Variants in IL1RAPL1 observed in about 807,000 individuals in gnomAD.
IL1RAPL1 encodes interleukin 1 receptor accessory protein like 1.
A neutral mutation model predicts 48.4 loss-of-function variants in IL1RAPL1; 3 were observed. The ratio of observed to expected loss-of-function variants is 0.06; its 90% confidence interval spans 0.03 to 0.16. The LOEUF (loss-of-function observed/expected upper bound fraction) is 0.16, where lower values mean the gene tolerates loss of function less well. Among genes scored for constraint, IL1RAPL1 ranks in the 10% least tolerant of loss-of-function variants. The pLI, the probability that IL1RAPL1 is intolerant of heterozygous loss-of-function variation, is 1.00. For missense variants in IL1RAPL1, 349 were observed against 530.6 expected (o/e 0.66, Z 3.36); for synonymous variants, 185 against 187.7 (o/e 0.99, Z 0.12).
intron 9 of IL1RAPL1, among the ~76,000 whole-genome samples, chrX:29,953,463 C>A (rs940938840): frequency 1.4e-4 from 16 of 111,504 alleles, no homozygotes; most frequent in African/African-American, 5.2e-4. Flanking sequence ...TAGTAGTCCT[C>A]AAATATTTAA....
intron 2 of IL1RAPL1, among the ~76,000 whole-genome samples, chrX:28,794,190 A>G (rs1936585302): frequency 9.0e-6 from 1 of 111,623 alleles, no homozygotes; most frequent in Admixed American, 9.5e-5. Context: ...AGGACATAAT[A>G]AGGGTTTAGA....
chrX:29,697,245 A>G (rs180905342), intron 6 of IL1RAPL1, among the ~76,000 whole-genome samples: 2 of 111,772 alleles, frequency 1.8e-5, no homozygotes, highest in African/African-American at 6.5e-5. Context: ...TTCTGAGCAG[A>G]CCCACCAGCT....
intron 2 of IL1RAPL1, among the ~76,000 whole-genome samples, chrX:28,993,511 G>C (rs1413979559): frequency 8.9e-6 from 1 of 111,946 alleles, no homozygotes; most frequent in East Asian, 2.8e-4. Flanking sequence ...TTGTGAGAAA[G>C]AGTTAACAGA....
At chrX:29,091,967 CA>C (rs1421493213) in intron 2 of IL1RAPL1, among the ~76,000 whole-genome samples, 1 of 111,489 alleles carries the variant, frequency 9.0e-6, no homozygotes, top group Non-Finnish European at 1.9e-5. Flanking sequence ...AATAGGTTCC[CA>C]AAATTCTTCC....
At chrX:28,821,569 T>A (rs1244279640) in intron 2 of IL1RAPL1, among the ~76,000 whole-genome samples, 1 of 111,504 alleles carries the variant, frequency 9.0e-6, no homozygotes, top group Non-Finnish European at 1.9e-5. Context: ...GTGATGTGGG[T>A]TATTTGGACT....
At chrX:29,420,731 A>G in intron 5 of IL1RAPL1, among the ~76,000 whole-genome samples, 1 of 112,791 alleles carries the variant, frequency 8.9e-6, no homozygotes, top group Non-Finnish European at 1.9e-5. Flanking sequence ...TTGGGAATGT[A>G]TTTTAGAAAT....
rs141668590 is a variant in IL1RAPL1, at chrX:29,660,714, A to G, written c.704-7716A>G. ...ATGTGTTTGTTTTTGTGCCAGTACC[A>G]TTCTGTATTGGTTACTATTGCTTTG... On this transcript the variant is annotated intron_variant, in intron 5 of 10. Transcript: ENST00000378993. Among the ~76,000 whole-genome samples, 916 of 111,749 alleles carry G rather than the reference A, an allele frequency of 8.2e-3. 6 individuals carry two copies. Among genetic ancestry groups the G allele is most frequent in the African/African-American group, 0.028 (852 of 30,773 alleles).
chrX:29,463,488 G>A (rs947851024), intron 5 of IL1RAPL1, among the ~76,000 whole-genome samples: 2 of 112,111 alleles, frequency 1.8e-5, no homozygotes, highest in Admixed American at 1.9e-4. Context: ...CTTTAGGTTT[G>A]TAATAAGTCA....
At chrX:29,296,070 T>G (rs944415817) in intron 3 of IL1RAPL1, among the ~76,000 whole-genome samples, 1 of 112,006 alleles carries the variant, frequency 8.9e-6, no homozygotes, top group Non-Finnish European at 1.9e-5. Context: ...GAAAAAAACC[T>G]GCAGGGAAGA....
intron 6 of IL1RAPL1, among the ~76,000 whole-genome samples, chrX:29,691,003 G>GA (rs1224337038): frequency 9.9e-6 from 1 of 101,372 alleles, no homozygotes; most frequent in African/African-American, 3.5e-5. Context: ...GAAGAAAATA[G>GA]AAAAAAAGTT....
intron 5 of IL1RAPL1, among the ~76,000 whole-genome samples, chrX:29,476,014 A>C (rs1234104342): frequency 9.0e-6 from 1 of 111,535 alleles, no homozygotes; most frequent in Non-Finnish European, 1.9e-5. Flanking sequence ...GAGTTGCTAT[A>C]CTCAAGTACT....
chrX:29,824,528 A>G (rs1385075735), intron 6 of IL1RAPL1, among the ~76,000 whole-genome samples: 2 of 111,992 alleles, frequency 1.8e-5, no homozygotes, highest in Non-Finnish European at 3.8e-5. Flanking sequence ...GTGTTTAATT[A>G]CACTTGAGTT....
At chrX:29,506,767 G>A (rs1013921542) in intron 5 of IL1RAPL1, among the ~76,000 whole-genome samples, 6 of 108,833 alleles carry the variant, frequency 5.5e-5, no homozygotes. Flanking sequence ...GAGAATGGTA[G>A]TCTCACCTCC....
intron 2 of IL1RAPL1, among the ~76,000 whole-genome samples, chrX:29,139,084 G>A (rs962650288): frequency 1.8e-5 from 2 of 111,657 alleles, no homozygotes; most frequent in Non-Finnish European, 3.8e-5. Flanking sequence ...CCCATCTCTT[G>A]CAACCAGCTA....
At position 29,592,575 on chromosome X, in the gene IL1RAPL1, C is replaced by G. The variant is rs190459750; in HGVS notation, c.704-75855C>G. On this transcript the variant is annotated intron_variant, in intron 5 of 10. Coordinates refer to ENST00000378993, the MANE Select transcript of IL1RAPL1 (RefSeq NM_014271.4). ...TTTTGTATATTTCTTTCTGGTTTAC[C>G]TCGTTTCACCTCTCTTTTCATATGA... Among the ~76,000 whole-genome samples the G allele has an allele frequency of 9.0e-5, 10 of 111,434 alleles. No individual in the cohort carries two copies. In the East Asian group the frequency reaches 2.5e-3, roughly 28 times the overall value.
chrX:29,351,399 A>G (rs1260338905), intron 3 of IL1RAPL1, among the ~76,000 whole-genome samples: 3 of 111,737 alleles, frequency 2.7e-5, no homozygotes, highest in Non-Finnish European at 5.6e-5. Context: ...ATATGAGGCT[A>G]TTAATGCCTT....
chrX:29,795,555 C>T (rs1929723196), intron 6 of IL1RAPL1, among the ~76,000 whole-genome samples: 1 of 111,704 alleles, frequency 9.0e-6, no homozygotes, highest in Non-Finnish European at 1.9e-5. Context: ...AGACTACAGG[C>T]ACGTGCCTCC....
intron 2 of IL1RAPL1, among the ~76,000 whole-genome samples, chrX:28,993,089 G>A (rs1925648609): frequency 8.9e-6 from 1 of 111,767 alleles, no homozygotes; most frequent in Non-Finnish European, 1.9e-5. Context: ...GCTGTGATTC[G>A]GTAAGACCTT....
chrX:28,821,500 T>G, intron 2 of IL1RAPL1, among the ~76,000 whole-genome samples: 1 of 111,921 alleles, frequency 8.9e-6, no homozygotes, highest in Non-Finnish European at 1.9e-5. Flanking sequence ...TAGAACACTT[T>G]CTAAGCAGTA....
Sources: allele counts gnomAD v4.1 joint callset (sites outside exome capture counted in the v4.1 genomes callset), GRCh38; gene constraint gnomAD v4.1.1; transcripts MANE v1.5; gene names NCBI Gene and HGNC (gene_info 2026-07-23, HGNC 2026-07-21).